Variants in TRMO observed in about 807,000 individuals in gnomAD.
TRMO encodes the protein tRNA methyltransferase O.
A neutral mutation model predicts 37.2 loss-of-function variants in TRMO; 30 were observed. That is an observed-to-expected ratio of 0.81 (90% CI 0.60 to 1.09). The LOEUF is 1.09. Ranked by LOEUF, TRMO falls within the 50% of genes least tolerant of loss-of-function variation. The pLI is 0.00. For synonymous variants in TRMO, 239 were observed against 199.4 expected (o/e 1.20, Z -1.67); for missense variants, 552 against 549.5 (o/e 1.00, Z -0.05).
chr9:97,911,163 C>T, intron 3 of TRMO: 1 of 239,024 alleles, frequency 4.2e-6, no homozygotes, highest in South Asian at 3.8e-5. Context: ...TTATATAATC[C>T]TTCCCCTTGA....
the TRMO span, among the ~76,000 whole-genome samples, chr9:97,897,363 G>A: frequency 2.0e-5 from 3 of 152,328 alleles, no homozygotes; most frequent in South Asian, 6.2e-4. Flanking sequence ...GGGCCAGATT[G>A]TGAGTATGTT....
chr9:97,904,993 C>G lies in TRMO; in HGVS notation c.1067-1G>C. 1 of 1,610,598 alleles carries G rather than the reference C, an allele frequency of 6.2e-7. No individual in the cohort carries two copies. The highest frequency in any genetic ancestry group is 8.5e-7 in the Non-Finnish European group (1 of 1,177,486). On this transcript the variant is annotated splice_acceptor_variant, in intron 4 of 4. Coordinates refer to ENST00000375119, the MANE Select transcript of TRMO (RefSeq NM_016481.5). LOFTEE classifies it high-confidence loss of function. ...TATTTAAATGACGCCTGACCAACAT[C>G]TGCAATGAAAAAAACACAACTTAAT...
chr9:97,904,916 C>T lies in TRMO; in HGVS notation c.1143G>A (p.Ala381=), dbSNP rs370465719. The T allele has an allele frequency of 1.5e-5, 25 of 1,614,030 alleles. No individual in the cohort carries two copies. The highest frequency in any genetic ancestry group is 2.7e-5 in the African/African-American group (2 of 74,898). The change falls in exon 5 of 5, where the codon GCG becomes GCA. Residue 381 remains alanine, a synonymous_variant. Transcript: ENST00000375119. ...AKRAIEAVLS[A]DPRSVYRRKL... is the part of the protein sequence containing the mutation. ...TCCGGCGGTACACAGACCGAGGATC[C>T]GCTGACAGCACAGCCTCAATGGCAC...
chr9:97,916,509 CATA>C (rs1399156087), intron 1 of TRMO, among the ~76,000 whole-genome samples, 171 bp from the exon 2 acceptor site: 1 of 152,096 alleles, frequency 6.6e-6, no homozygotes, highest in Non-Finnish European at 1.5e-5. Context: ...CTCATCATTA[CATA>C]CACACACATA....
intron 4 of TRMO, among the ~76,000 whole-genome samples, chr9:97,908,835 G>A (rs535405484): frequency 1.4e-4 from 22 of 152,310 alleles, no homozygotes; most frequent in Admixed American, 7.2e-4. Context: ...CTGGTACCTA[G>A]CAGAAGCTCA....
chr9:97,913,309 C>T (rs1011534075), intron 3 of TRMO, 92 bp downstream of exon 3: 8 of 1,438,266 alleles, frequency 5.6e-6, no homozygotes, highest in African/African-American at 4.6e-5. Context: ...CATTGGTACT[C>T]GTCTGAATAA....
chr9:97,913,464 T>TG lies in TRMO; in HGVS notation c.345dup (p.Thr116HisfsTer31), dbSNP rs753587623. ...GCATTGGGACGATGAGGGCTCCTTG[T>TG]GGAAAAAACTCCAGTCTTTGCACCA... On this transcript the variant is annotated frameshift_variant, in exon 3 of 5. Coordinates refer to ENST00000375119, the MANE Select transcript of TRMO (RefSeq NM_016481.5). LOFTEE classifies it high-confidence loss of function. The TG allele has an allele frequency of 2.5e-6, 4 of 1,614,074 alleles. No homozygotes were observed. In the South Asian group the frequency reaches 4.4e-5, roughly 18 times the overall value.
Position 97,910,074 on chromosome 9 carries a change from C to A in TRMO, c.952G>T (p.Asp318Tyr). Residue 318 changes from aspartate to tyrosine, a missense_variant, in exon 4 of 5, where the codon GAT (aspartate) becomes TAT (tyrosine). Transcript: ENST00000375119. ...GGAACCACGCTGCGGGGAGCTCCAT[C>A]AGCCCTTCCAGCAGGGCAGTGAGGG... is the stretch of plus-strand genomic sequence containing the variant. ...MAPHCPAGRA[D>Y]GAPRSVVPAW... The A allele has an allele frequency of 6.2e-7, 1 of 1,613,864 alleles. No homozygotes were observed.
intron 1 of TRMO, among the ~76,000 whole-genome samples, chr9:97,916,873 T>G (rs1315266879): frequency 6.6e-6 from 1 of 151,270 alleles, no homozygotes; most frequent in African/African-American, 2.4e-5. Context: ...GCTCAACTTT[T>G]TTTTTTTTTT....
intron 4 of TRMO, among the ~76,000 whole-genome samples, chr9:97,906,752 G>GAATC (rs1396984231): frequency 2.7e-5 from 4 of 150,218 alleles, no homozygotes; most frequent in African/African-American, 9.8e-5. Context: ...TGAGGGAGGA[G>GAATC]AATCGCTTGA....
the TRMO span, among the ~76,000 whole-genome samples, chr9:97,897,416 TTTTTGTTTTG>T: frequency 2.6e-5 from 4 of 152,168 alleles, no homozygotes; most frequent in East Asian, 1.9e-4. Flanking sequence ...TTCTCTGGGT[TTTTTGTTTTG>T]TTTTGTTTTG....
intron 4 of TRMO, among the ~76,000 whole-genome samples, chr9:97,908,411 CA>C (rs34633871): frequency 0.44 from 42,910 of 98,414 alleles, 8,869 homozygotes; most frequent in East Asian, 0.79. Flanking sequence ...GACTCCGTCT[CA>C]AAAAAAAAAA....
At chr9:97,907,836 C>T (rs367687324) in intron 4 of TRMO, among the ~76,000 whole-genome samples, 8 of 152,152 alleles carry the variant, frequency 5.3e-5, no homozygotes, top group African/African-American at 9.6e-5. Flanking sequence ...TGACCTCAAA[C>T]GTGCCATGCA....
At chr9:97,905,103 C>A in intron 4 of TRMO, 111 bp from the exon 5 acceptor site, 1 of 1,166,708 alleles carries the variant, frequency 8.6e-7, no homozygotes, top group Non-Finnish European at 1.2e-6. Context: ...TTGACATGGA[C>A]AGGGTTTGGA....
chr9:97,910,600 A>G lies in TRMO; in HGVS notation c.426T>C (p.Leu142=), dbSNP rs1204737605. The G allele has an allele frequency of 6.2e-7, 1 of 1,613,974 alleles. No homozygotes were observed. Among genetic ancestry groups the G allele is most frequent in the Non-Finnish European group, 8.5e-7 (1 of 1,179,996 alleles). ...LEKVEGGAIY[L]SGIDMIHGTP... ...TGCCATGTATCATGTCAATTCCAGA[A>G]AGGTATATAGCTCCACCTATGACAT... is the stretch of plus-strand genomic sequence containing the variant. The change falls in exon 4 of 5, where the codon CTT becomes CTC. Residue 142 remains leucine (L), a synonymous_variant. Coordinates refer to ENST00000375119, the MANE Select transcript of TRMO (RefSeq NM_016481.5).
rs1296606387 is a variant in TRMO, at chr9:97,910,231, G to T, written c.795C>A (p.Ser265Arg). ...ATGGGCCAATTTGTTCTTCTGCCAC[G>T]CTGGAACTCTGATCACGTCTTGATT... ...GLESRRDQSS[S>R]VAEEQIGPYC... The change falls in exon 4 of 5, where the codon AGC becomes AGA. Residue 265 changes from serine to arginine, a missense_variant. Transcript: ENST00000375119. The T allele has an allele frequency of 6.2e-7, 1 of 1,614,200 alleles. No individual in the cohort carries two copies. Among genetic ancestry groups the T allele is most frequent in the South Asian group, 1.1e-5 (1 of 91,082 alleles).
At position 97,904,737 on chromosome 9, in the gene TRMO, G is replaced by T; in HGVS notation, c.1322C>A (p.Ser441Tyr). The change falls in exon 5 of 5, where the codon TCT (serine) becomes TAT (tyrosine). Residue 441 changes from serine to tyrosine, a missense_variant. Physicochemically the swap from Ser to Tyr is moderately radical, Grantham distance 144. Coordinates refer to ENST00000375119, the MANE Select transcript of TRMO (RefSeq NM_016481.5). ...TAAAGACATGAGGGAGGCTCCTTAAGACCCTAGAGACACCAAGGACCCCAC... is the reference window on the plus strand; with the variant it reads ...TAAAGACATGAGGGAGGCTCCTTAATACCCTAGAGACACCAAGGACCCCAC... ...GPVGSLVSLGS is the reference protein window; with the variant it reads ...GPVGSLVSLGY 6.2e-7 allele frequency: 1 copy of T among 1,613,720 alleles called. No individual in the cohort carries two copies. Among genetic ancestry groups the T allele is most frequent in the South Asian group, 1.1e-5 (1 of 91,076 alleles).
chr9:97,920,994 A>G (rs1826600792), intron 1 of TRMO, among the ~76,000 whole-genome samples: 1 of 152,172 alleles, frequency 6.6e-6, no homozygotes, highest in Admixed American at 6.5e-5. Flanking sequence ...TAGCTCCCCA[A>G]ACCTATACTG....
downstream of TRMO, among the ~76,000 whole-genome samples, chr9:97,899,627 T>G (rs1831122747): frequency 6.6e-6 from 1 of 152,084 alleles, no homozygotes; most frequent in Non-Finnish European, 1.5e-5. Context: ...GGCTCACGCC[T>G]GTAATCCCAG....
Sources: allele counts gnomAD v4.1 joint callset (sites outside exome capture counted in the v4.1 genomes callset), GRCh38; gene constraint gnomAD v4.1.1; transcripts MANE v1.5; gene names NCBI Gene and HGNC (gene_info 2026-07-23, HGNC 2026-07-21).